ST6GALNAC3: variants seen among roughly 807,000 people sequenced by gnomAD.
ST6GALNAC3 encodes the protein alpha-N-acetylgalactosaminide alpha-2,6-sialyltransferase 3.
A neutral mutation model predicts 32.7 loss-of-function variants in ST6GALNAC3; 25 were observed. The observed-to-expected ratio is 0.76, with a 90% CI of 0.56 to 1.07. ST6GALNAC3 has a LOEUF of 1.07. Among genes scored for constraint, ST6GALNAC3 ranks in the 50% least tolerant of loss-of-function variants. The pLI is 0.00. For synonymous variants in ST6GALNAC3, 129 were observed against 133.1 expected, an observed-to-expected ratio of 0.97 and a Z score of 0.21; for missense variants, 355 against 382.4, an observed-to-expected ratio of 0.93 and a Z score of 0.60.
intron 1 of ST6GALNAC3, among the ~76,000 whole-genome samples, chr1:76,081,675 G>C (rs1439331086): frequency 6.6e-6 from 1 of 152,190 alleles, no homozygotes; most frequent in Non-Finnish European, 1.5e-5. Context: ...TTGACCCTGG[G>C]CAAGTTATGT....
intron 3 of ST6GALNAC3, among the ~76,000 whole-genome samples, chr1:76,567,880 C>T (rs1449676255): frequency 1.3e-5 from 2 of 152,122 alleles, no homozygotes; most frequent in Non-Finnish European, 2.9e-5. Flanking sequence ...AGTGTCAGGA[C>T]CATAGGCTCT....
chr1:76,130,347 G>A (rs1649531730), intron 1 of ST6GALNAC3, among the ~76,000 whole-genome samples: 1 of 152,184 alleles, frequency 6.6e-6, no homozygotes, highest in African/African-American at 2.4e-5. Flanking sequence ...TCAGCCCCGT[G>A]GGCTAATTGT....
intron 1 of ST6GALNAC3, among the ~76,000 whole-genome samples, chr1:76,251,791 A>T (rs555532993): frequency 1.3e-5 from 2 of 151,278 alleles, no homozygotes; most frequent in African/African-American, 4.9e-5. Flanking sequence ...CCTTTCTCAA[A>T]CTCTCTCTAC....
At chr1:76,341,052 A>C (rs1449775779) in intron 2 of ST6GALNAC3, among the ~76,000 whole-genome samples, 1 of 151,492 alleles carries the variant, frequency 6.6e-6, no homozygotes, top group East Asian at 2.0e-4. Flanking sequence ...AAAAAACTTT[A>C]GTTTTAATTT....
intron 2 of ST6GALNAC3, among the ~76,000 whole-genome samples, chr1:76,330,407 C>T (rs1312314429): frequency 6.6e-6 from 1 of 152,194 alleles, no homozygotes; most frequent in Non-Finnish European, 1.5e-5. Flanking sequence ...CCGCCTACCT[C>T]AGCCTCCCAA....
chr1:76,434,956 A>G (rs1337739818), intron 3 of ST6GALNAC3, among the ~76,000 whole-genome samples: 2 of 151,654 alleles, frequency 1.3e-5, no homozygotes, highest in Non-Finnish European at 2.9e-5. Flanking sequence ...AGGCCCAGTT[A>G]ATTTTTGTAT....
At chr1:76,318,184 T>G (rs1052922956) in intron 2 of ST6GALNAC3, among the ~76,000 whole-genome samples, 1 of 152,072 alleles carries the variant, frequency 6.6e-6, no homozygotes, top group African/African-American at 2.4e-5. Flanking sequence ...CTGATGTAGA[T>G]CCATAAAAAA....
At chr1:76,497,789 G>A (rs964495139) in intron 3 of ST6GALNAC3, among the ~76,000 whole-genome samples, 5 of 152,106 alleles carry the variant, frequency 3.3e-5, no homozygotes, top group East Asian at 3.9e-4. Flanking sequence ...TACTCTCAAC[G>A]GCTGAAGACT....
chr1:76,583,502 C>A (rs770872440), intron 3 of ST6GALNAC3, among the ~76,000 whole-genome samples: 9 of 151,982 alleles, frequency 5.9e-5, no homozygotes, highest in African/African-American at 7.3e-5. Flanking sequence ...TAAAACATCC[C>A]TGTAGGATTG....
intron 3 of ST6GALNAC3, among the ~76,000 whole-genome samples, chr1:76,603,297 G>A (rs961307739): frequency 1.3e-5 from 2 of 152,164 alleles, no homozygotes; most frequent in Non-Finnish European, 2.9e-5. Flanking sequence ...AAAAGGAAAA[G>A]GAAAACTGGA....
At chr1:76,568,601 T>A (rs1665688945) in intron 3 of ST6GALNAC3, among the ~76,000 whole-genome samples, 1 of 152,006 alleles carries the variant, frequency 6.6e-6, no homozygotes, top group African/African-American at 2.4e-5. Flanking sequence ...ACACAACCAT[T>A]CTCCACGTAC....
chr1:76,175,888 A>C (rs1652819063), intron 1 of ST6GALNAC3, among the ~76,000 whole-genome samples: 1 of 152,206 alleles, frequency 6.6e-6, no homozygotes, highest in African/African-American at 2.4e-5. Flanking sequence ...CCAGAAAAAT[A>C]CTTTCTGAGT....
At chr1:76,609,314 T>G (rs1252118182) in intron 3 of ST6GALNAC3, among the ~76,000 whole-genome samples, 3 of 152,240 alleles carry the variant, frequency 2.0e-5, no homozygotes, top group African/African-American at 4.8e-5. Flanking sequence ...TCACTTTTCT[T>G]GTTCTTGATT....
intron 3 of ST6GALNAC3, among the ~76,000 whole-genome samples, chr1:76,517,118 T>C (rs1211455381): frequency 6.6e-6 from 1 of 151,888 alleles, no homozygotes; most frequent in Non-Finnish European, 1.5e-5. Flanking sequence ...AAATTATCTG[T>C]TTAAATTGAT....
At chr1:76,114,450 A>G (rs1414818986) in intron 1 of ST6GALNAC3, among the ~76,000 whole-genome samples, 1 of 152,174 alleles carries the variant, frequency 6.6e-6, no homozygotes, top group African/African-American at 2.4e-5. Context: ...TCAGCAATAG[A>G]GTGATTTTCT....
rs1014793427 is a variant in ST6GALNAC3, at chr1:76,549,693, G to C, written c.624-77759G>C. On this transcript the variant is annotated intron_variant, in intron 3 of 4. Transcript: ENST00000328299. Reference sequence around the variant, plus strand: ...TTGTCACACATGTGAGGGTTTCTTAGTCTAAGATATATACCTAGAAGTAAA... The same window carrying C: ...TTGTCACACATGTGAGGGTTTCTTACTCTAAGATATATACCTAGAAGTAAA... Among the ~76,000 whole-genome samples, 11 of 151,902 alleles carry C rather than the reference G, an allele frequency of 7.2e-5. No homozygotes were observed. In the South Asian group the frequency reaches 1.9e-3, roughly 26 times the overall value.
intron 1 of ST6GALNAC3, among the ~76,000 whole-genome samples, chr1:76,120,268 A>G (rs1648784814): frequency 6.6e-6 from 1 of 152,186 alleles, no homozygotes; most frequent in Non-Finnish European, 1.5e-5. Flanking sequence ...TTACAGTTCT[A>G]TTAATTGGAT....
intron 1 of ST6GALNAC3, among the ~76,000 whole-genome samples, chr1:76,075,379 C>A (rs1646800566): frequency 3.3e-5 from 5 of 150,884 alleles, no homozygotes; most frequent in Admixed American, 3.3e-4. Flanking sequence ...ACAGGTAGTC[C>A]CTTAGGAATG....
At chr1:76,525,791 GTATATATATATATATA>G (rs199721572) in intron 3 of ST6GALNAC3, among the ~76,000 whole-genome samples, 72 of 75,548 alleles carry the variant, frequency 9.5e-4, no homozygotes, top group Admixed American at 1.4e-3. Context: ...GTGTGTGTGT[GTATATATATATATATA>G]TATATATATA....
Sources: allele counts gnomAD v4.1 joint callset (sites outside exome capture counted in the v4.1 genomes callset), GRCh38; gene constraint gnomAD v4.1.1; transcripts MANE v1.5; gene names NCBI Gene and HGNC (gene_info 2026-07-23, HGNC 2026-07-21).